The following ZNF211 variants were observed in gnomAD, a reference collection of about 807,000 sequenced individuals.
The protein encoded by ZNF211 is zinc finger protein C2H2-25.
In ZNF211, 18 loss-of-function variants were observed where a neutral mutation model predicts 12.1. That is an observed-to-expected ratio of 1.48 (90% confidence interval 1.03 to 2.20). ZNF211 has a LOEUF of 2.20. ZNF211 is among the 30% of genes most tolerant of loss of function. The probability of loss-of-function intolerance (pLI) is 0.00; values close to 1 mark genes in which losing one functional copy is unlikely to be tolerated. For synonymous variants in ZNF211, 249 were observed against 246.0 expected (o/e 1.01, Z -0.11); for missense variants, 677 against 703.1 (o/e 0.96, Z 0.42).
rs372393186 is a variant in ZNF211 at position 57,634,007 on chromosome 19, C to G, written c.91-16C>G. 42 of 1,592,408 alleles carry G rather than the reference C, an allele frequency of 2.6e-5. No individual in the cohort carries two copies. Among genetic ancestry groups the G allele is most frequent in the Non-Finnish European group, 3.2e-5 (37 of 1,170,716 alleles). ...TGCCATGATCACATTCCTCTGAGGCCTGCGTCTTTCCACAGGTTCCCATAG... is the reference window on the plus strand; with the variant it reads ...TGCCATGATCACATTCCTCTGAGGCGTGCGTCTTTCCACAGGTTCCCATAG... On this transcript the variant is annotated splice_polypyrimidine_tract_variant and intron_variant, in intron 1 of 3. Transcript: ENST00000240731.
At position 57,643,546 on chromosome 19, in the gene ZNF211, C is replaced by T. The variant is rs1305764700; in HGVS notation, c.*1365C>T. Among the ~76,000 whole-genome samples the T allele has an allele frequency of 6.6e-6, 1 of 152,162 alleles. No individual in the cohort carries two copies. Among genetic ancestry groups the T allele is most frequent in the African/African-American group, 2.4e-5 (1 of 41,418 alleles). ...ATGTGACTTTGTAACCTACCATCAT[C>T]CTGTGTTTAAATGAATTCAAATCAG... On this transcript the variant is annotated 3_prime_UTR_variant, in exon 4 of 4. Coordinates refer to ENST00000240731, the MANE Select transcript of ZNF211 (RefSeq NM_006385.5).
chr19:57,634,960 T>C, intron 3 of ZNF211: 1 of 985,398 alleles, frequency 1.0e-6, no homozygotes, highest in Non-Finnish European at 1.2e-6. Context: ...GGATCAGTAG[T>C]CTTACAGTAA....
In ZNF211 at chr19:57,633,221, GTCCGTTCTGTCTGTCAGCCGCTTTGGT is replaced by G; in HGVS notation, c.-125_-99del. ...GGTCATTTTGGCTGCCCTCCCGGAG[GTCCGTTCTGTCTGTCAGCCGCTTTGGT>G]ACGCTGCATCGGGATCGAAGTGACG... On this transcript the variant is annotated 5_prime_UTR_variant, in exon 1 of 4. Coordinates refer to ENST00000240731, the MANE Select transcript of ZNF211 (RefSeq NM_006385.5). 1.0e-6 allele frequency: 1 copy of G among 972,036 alleles called. No homozygotes were observed. Among genetic ancestry groups the G allele is most frequent in the Non-Finnish European group, 1.4e-6 (1 of 695,286 alleles). The allele number at this position is 972,036 out of a possible 1,614,324, so 60.2% of individuals were successfully genotyped here. A position where few individuals can be genotyped will look rare whatever the true frequency, so the allele number is the denominator to read the frequency against.
rs769403819 is a variant in ZNF211, at chr19:57,641,428, G to A, written c.981G>A (p.Ala327=). The change falls in exon 4 of 4, where the codon GCG becomes GCA. Residue 327 remains alanine (A), a synonymous_variant. Coordinates refer to ENST00000240731, the MANE Select transcript of ZNF211 (RefSeq NM_006385.5). ...QRVHTGERPY[A]CPECGKSFSQ... Reference sequence around the variant, plus strand: ...TTCATACTGGAGAAAGGCCTTATGCGTGCCCTGAATGTGGGAAATCGTTTA... The same window carrying A: ...TTCATACTGGAGAAAGGCCTTATGCATGCCCTGAATGTGGGAAATCGTTTA... 5.3e-5 allele frequency: 86 copies of A among 1,610,780 alleles called. No individual in the cohort carries two copies. The highest frequency in any genetic ancestry group is 6.5e-5 in the Non-Finnish European group (76 of 1,177,934).
In ZNF211 at chr19:57,641,702, T is replaced by G. The variant is rs1484717918; in HGVS notation, c.1255T>G (p.Phe419Val). Residue 419 changes from phenylalanine to valine, a missense_variant, in exon 4 of 4, where the codon TTT becomes GTT. Phe to Val is a conservative substitution (Grantham distance 50). Coordinates refer to ENST00000240731, the MANE Select transcript of ZNF211 (RefSeq NM_006385.5). ...TGAGTGCAATGAATGTGGAAAATCC[T>G]TTAGCCGAAGCTCCAGCCTCATTCA... is the stretch of plus-strand genomic sequence containing the variant. The part of the protein sequence containing the change: ...PHECNECGKS[F>V]SRSSSLIHHR... The G allele has an allele frequency of 3.7e-6, 6 of 1,614,008 alleles. No individual in the cohort carries two copies. The highest frequency in any genetic ancestry group is 1.3e-5 in the African/African-American group (1 of 74,888).
In ZNF211 at chr19:57,641,278, A is replaced by C. The variant is rs1169714197; in HGVS notation, c.831A>C (p.Lys277Asn). ...EGLFECSKCGKACTRRCNLIQ... is the reference protein window; with the variant it reads ...EGLFECSKCGNACTRRCNLIQ... ...TTTTTGAGTGCAGTAAATGTGGGAAAGCATGTACGCGAAGATGTAACCTCA... is the reference window on the plus strand; with the variant it reads ...TTTTTGAGTGCAGTAAATGTGGGAACGCATGTACGCGAAGATGTAACCTCA... Residue 277 changes from lysine (K) to asparagine (N), a missense_variant, in exon 4 of 4, where the codon AAA becomes AAC. Coordinates refer to ENST00000240731, the MANE Select transcript of ZNF211 (RefSeq NM_006385.5). The C allele has an allele frequency of 1.2e-6, 2 of 1,614,238 alleles. No homozygotes were observed. The highest frequency in any genetic ancestry group is 8.5e-7 in the Non-Finnish European group (1 of 1,180,036).
rs1983090349 is a variant in ZNF211, at chr19:57,642,335, C to T, written c.*154C>T. On this transcript the variant is annotated 3_prime_UTR_variant, in exon 4 of 4. Transcript: ENST00000240731. Reference sequence around the variant, plus strand: ...TCCAGGTATGTGTTACACTTTCTAACATGCCATTTAGAAAGTGTTAGACTT... The same window carrying T: ...TCCAGGTATGTGTTACACTTTCTAATATGCCATTTAGAAAGTGTTAGACTT... 1 of 823,850 alleles carries T rather than the reference C, an allele frequency of 1.2e-6. No individual in the cohort carries two copies. Among genetic ancestry groups the T allele is most frequent in the Non-Finnish European group, 1.8e-6 (1 of 541,730 alleles). The allele number at this position is 823,850 out of a possible 1,614,324, so 51.0% of individuals were successfully genotyped here. A position where few individuals can be genotyped will look rare whatever the true frequency, so the allele number is the denominator to read the frequency against.
At position 57,642,308 on chromosome 19, in the gene ZNF211, G is replaced by GT; in HGVS notation, c.*129dup. On this transcript the variant is annotated 3_prime_UTR_variant, in exon 4 of 4. Coordinates refer to ENST00000240731, the MANE Select transcript of ZNF211 (RefSeq NM_006385.5). ...TATACAGTGGGCGGATTCCCCTTAA[G>GT]TTCCAGGTATGTGTTACACTTTCTA... The GT allele has an allele frequency of 9.4e-7, 1 of 1,067,930 alleles. No individual in the cohort carries two copies. The highest frequency in any genetic ancestry group is 1.3e-6 in the Non-Finnish European group (1 of 749,638). The allele number at this position is 1,067,930 out of a possible 1,614,324, so 66.2% of individuals were successfully genotyped here.
chr19:57,636,262 T>A (rs1982119711), intron 3 of ZNF211, among the ~76,000 whole-genome samples: 1 of 152,178 alleles, frequency 6.6e-6, no homozygotes, highest in South Asian at 2.1e-4. Flanking sequence ...CAGTTTTACT[T>A]TTTTACTTTT....
At position 57,643,464 on chromosome 19, in the gene ZNF211, C is replaced by G. The variant is rs1259412411; in HGVS notation, c.*1283C>G. ...TGGGATGTGCACCTCAAGAACATTG[C>G]TGCATAGGCCAGGAAAACAAGCATA... On this transcript the variant is annotated 3_prime_UTR_variant, in exon 4 of 4. Transcript: ENST00000240731. Among the ~76,000 whole-genome samples, 1 of 152,084 alleles carries G rather than the reference C, an allele frequency of 6.6e-6. No homozygotes were observed. The highest frequency in any genetic ancestry group is 6.6e-5 in the Admixed American group (1 of 15,264).
chr19:57,640,096 G>C (rs1982696649), intron 3 of ZNF211: 1 of 1,528,498 alleles, frequency 6.5e-7, no homozygotes, highest in Non-Finnish European at 8.8e-7. Flanking sequence ...CCAGGAACCT[G>C]TCCTGTTTGA....
intron 3 of ZNF211, among the ~76,000 whole-genome samples, chr19:57,637,452 G>A (rs1452136783): frequency 6.6e-6 from 1 of 152,050 alleles, no homozygotes; most frequent in Non-Finnish European, 1.5e-5. Flanking sequence ...ATGGGGTCTT[G>A]CTATGTTACA....
At chr19:57,639,934 TG>T in intron 3 of ZNF211, 2 of 1,535,590 alleles carry the variant, frequency 1.3e-6, no homozygotes, top group Non-Finnish European at 1.7e-6. Flanking sequence ...CCTGGTCTCA[TG>T]TAGTTGCTCA....
rs558643772 is a variant in ZNF211 at position 57,633,224 on chromosome 19, C to A, written c.-123C>A. The stretch of plus-strand genomic sequence containing the variant: ...CATTTTGGCTGCCCTCCCGGAGGTC[C>A]GTTCTGTCTGTCAGCCGCTTTGGTA... On this transcript the variant is annotated 5_prime_UTR_variant, in exon 1 of 4. Transcript: ENST00000240731. 4.0e-6 allele frequency: 4 copies of A among 999,342 alleles called. No individual in the cohort carries two copies. Among genetic ancestry groups the A allele is most frequent in the East Asian group, 3.0e-5 (1 of 33,614 alleles). The allele number at this position is 999,342 out of a possible 1,614,324, so 61.9% of individuals were successfully genotyped here.
In ZNF211 at chr19:57,643,388, G is replaced by A. The variant is rs184324799; in HGVS notation, c.*1207G>A. ...TGTATTTTTTGTAGCTGAGGTGACT[G>A]TCAAAAAATAATAAACAACCTAAAG... On this transcript the variant is annotated 3_prime_UTR_variant, in exon 4 of 4. Transcript: ENST00000240731. Among the ~76,000 whole-genome samples, 1 of 152,230 alleles carries A rather than the reference G, an allele frequency of 6.6e-6. No individual in the cohort carries two copies. Among genetic ancestry groups the A allele is most frequent in the East Asian group, 1.9e-4 (1 of 5,192 alleles).
intron 2 of ZNF211, chr19:57,634,368 T>G (rs1981871227): frequency 2.1e-6 from 1 of 469,342 alleles, no homozygotes; most frequent in Non-Finnish European, 3.6e-6. Flanking sequence ...TTCTGTGAAG[T>G]TTGGCATCTA....
At chr19:57,634,089 T>C in intron 2 of ZNF211, 28 bp downstream of exon 2, 1 of 1,539,578 alleles carries the variant, frequency 6.5e-7, no homozygotes, top group Non-Finnish European at 8.7e-7. Flanking sequence ...AGCCCCTCAC[T>C]GGTCTGGAAT....
intron 1 of ZNF211, 149 bp downstream of exon 1, chr19:57,633,585 G>C (rs1981720190): frequency 1.3e-6 from 2 of 1,514,580 alleles, no homozygotes; most frequent in African/African-American, 1.4e-5. Context: ...GGTGGGCAGG[G>C]GGACAAGGGA....
chr19:57,633,788 T>C, intron 1 of ZNF211: 1 of 1,548,712 alleles, frequency 6.5e-7, no homozygotes. Flanking sequence ...CTCTGCAGGC[T>C]GTTCAGTGGA....
Sources: allele counts gnomAD v4.1 joint callset (sites outside exome capture counted in the v4.1 genomes callset), GRCh38; gene constraint gnomAD v4.1.1; transcripts MANE v1.5; gene names NCBI Gene and HGNC (gene_info 2026-07-23, HGNC 2026-07-21).